Variants in REV3L observed in about 807,000 individuals in gnomAD.
The protein encoded by REV3L is DNA polymerase zeta catalytic subunit.
Under a neutral mutation model 299.4 loss-of-function variants are expected in REV3L, and 69 were observed. The ratio of observed to expected loss-of-function variants is 0.23; its 90% CI spans 0.19 to 0.28. The LOEUF (loss-of-function observed/expected upper bound fraction) is 0.28. Ranked by LOEUF, REV3L falls within the 10% of genes least tolerant of loss-of-function variation. The probability of loss-of-function intolerance (pLI) is 1.00; values close to 1 mark genes in which losing one functional copy is unlikely to be tolerated. For missense variants in REV3L, 3,128 were observed against 3,693.8 expected (o/e 0.85, Z 3.97); for synonymous variants, 1,238 against 1,271.4 (o/e 0.97, Z 0.56).
At position 111,347,424 on chromosome 6, in the gene REV3L, CACA is replaced by C. The variant is rs1276806692; in HGVS notation, c.7419+1791_7419+1793del. Among the ~76,000 whole-genome samples, 13 of 151,882 alleles carry C rather than the reference CACA, an allele frequency of 8.6e-5. No individual in the cohort carries two copies. The East Asian group carries it at 2.3e-3, about 27-fold the overall frequency. ...CACTCTTCTATTATTTTAAGAACAA[CACA>C]ACAAGATAAAATCATTCTCAAGCAG... is the stretch of plus-strand genomic sequence containing the variant. On this transcript the variant is annotated intron_variant, in intron 20 of 31. Transcript: ENST00000368802.
intron 29 of REV3L, chr6:111,310,340 T>A (rs1015013233): frequency 9.0e-6 from 3 of 334,360 alleles, no homozygotes; most frequent in African/African-American, 6.4e-5. Context: ...TGGAAAATAA[T>A]GAGTTGGCAG....
Position 111,376,374 on chromosome 6 carries a change from C to G in REV3L, c.1981G>C (p.Asp661His). Residue 661 changes from aspartate to histidine, a missense_variant, in exon 13 of 32, where the codon GAT (aspartate) becomes CAT (histidine). This residue lies in a region of REV3L where 2,409 missense variants were observed against 2,611.8 expected (regional missense o/e 0.92). Transcript: ENST00000368802. ...PVSSCESSIF[D>H]YEEDIPSVTR... is the part of the protein sequence containing the mutation. ...ACAGATGGAATATCTTCTTCATAAT[C>G]AAAAATACTACTTTCACAGGAAGAT... 6.2e-7 allele frequency: 1 copy of G among 1,611,900 alleles called. No homozygotes were observed. Among genetic ancestry groups the G allele is most frequent in the South Asian group, 1.1e-5 (1 of 90,354 alleles).
chr6:111,384,227 G>A (rs1419343994), intron 9 of REV3L, among the ~76,000 whole-genome samples: 1 of 152,008 alleles, frequency 6.6e-6, no homozygotes, highest in Non-Finnish European at 1.5e-5. Context: ...CAAAGCACAG[G>A]CAATCAAAGC....
At chr6:111,427,351 T>C (rs905276352) in intron 1 of REV3L, among the ~76,000 whole-genome samples, 17 of 152,168 alleles carry the variant, frequency 1.1e-4, no homozygotes, top group Non-Finnish European at 7.4e-5. Context: ...ATAAGGGACT[T>C]GTATCTAGAA....
chr6:111,402,259 C>G (rs1783162238), intron 4 of REV3L, among the ~76,000 whole-genome samples: 1 of 152,084 alleles, frequency 6.6e-6, no homozygotes, highest in Non-Finnish European at 1.5e-5. Context: ...CCAGGAGATT[C>G]AAACTATACT....
At position 111,375,911 on chromosome 6, in the gene REV3L, G is replaced by A; in HGVS notation, c.2444C>T (p.Ser815Phe). Residue 815 changes from serine to phenylalanine, a missense_variant, in exon 13 of 32, where the codon TCT becomes TTT. Transcript: ENST00000368802. ...AGGTTGTAATTTATATGTGACAGGA[G>A]ATAGTTTCTGTGGTCTAGTAAGACA... ...SNCLTRPQKL[S>F]PVTYKLQPGN... 6.2e-7 allele frequency: 1 copy of A among 1,614,016 alleles called. No individual in the cohort carries two copies. Among genetic ancestry groups the A allele is most frequent in the Non-Finnish European group, 8.5e-7 (1 of 1,179,920 alleles).
intron 31 of REV3L, among the ~76,000 whole-genome samples, chr6:111,301,145 C>A (rs1290110063): frequency 6.6e-6 from 1 of 151,960 alleles, no homozygotes; most frequent in Non-Finnish European, 1.5e-5. Flanking sequence ...TATGCCCTGG[C>A]CTCCTGCAGC....
intron 14 of REV3L, 57 bp downstream of exon 14, chr6:111,367,058 C>T: frequency 1.5e-6 from 2 of 1,361,706 alleles, no homozygotes; most frequent in Non-Finnish European, 2.0e-6. Context: ...CTAATGTTAT[C>T]TTCATTTCTA....
rs761748173 is a variant in REV3L at position 111,376,623 on chromosome 6, G to T, written c.1732C>A (p.Gln578Lys). ...EPSSSAKITF[Q>K]CKHTSALSSH... Reference sequence around the variant, plus strand: ...GAAAGGGCACTTGTGTGTTTACACTGAAAGGTAATCTTAGCAGAAGATGAG... The same window carrying T: ...GAAAGGGCACTTGTGTGTTTACACTTAAAGGTAATCTTAGCAGAAGATGAG... The change falls in exon 13 of 32, where the codon CAG becomes AAG. Residue 578 changes from glutamine to lysine, a missense_variant. Transcript: ENST00000368802. 6.2e-6 allele frequency: 10 copies of T among 1,613,276 alleles called. No individual in the cohort carries two copies. Among genetic ancestry groups the T allele is most frequent in the Non-Finnish European group, 8.5e-6 (10 of 1,179,872 alleles).
intron 1 of REV3L, among the ~76,000 whole-genome samples, chr6:111,463,344 G>A (rs536557775): frequency 5.6e-4 from 86 of 152,298 alleles, no homozygotes; most frequent in African/African-American, 2.0e-3. Flanking sequence ...TGTCCGAAGA[G>A]AAGAAAGGTT....
intron 20 of REV3L, among the ~76,000 whole-genome samples, chr6:111,344,735 G>A (rs932140239): frequency 6.6e-6 from 1 of 152,152 alleles, no homozygotes; most frequent in African/African-American, 2.4e-5. Context: ...GTATTTCAAT[G>A]CAAAATGGAA....
intron 23 of REV3L, among the ~76,000 whole-genome samples, 181 bp from the exon 24 acceptor site, chr6:111,331,965 A>T (rs546937639): frequency 2.6e-5 from 4 of 152,342 alleles, no homozygotes; most frequent in African/African-American, 4.8e-5. Flanking sequence ...AAATATTCAT[A>T]ATTTATTACA....
chr6:111,363,507 C>T (rs1238029956), intron 16 of REV3L, among the ~76,000 whole-genome samples: 1 of 151,906 alleles, frequency 6.6e-6, no homozygotes, highest in Non-Finnish European at 1.5e-5. Flanking sequence ...ACAGGGTCTT[C>T]CTATGTAGCC....
chr6:111,473,923 C>T (rs1434354961), intron 1 of REV3L, among the ~76,000 whole-genome samples: 1 of 152,046 alleles, frequency 6.6e-6, no homozygotes, highest in African/African-American at 2.4e-5. Flanking sequence ...TTTCTTCATA[C>T]AAAATGAGTA....
intron 1 of REV3L, among the ~76,000 whole-genome samples, chr6:111,443,848 A>G (rs1788548171): frequency 6.6e-6 from 1 of 152,256 alleles, no homozygotes; most frequent in Non-Finnish European, 1.5e-5. Flanking sequence ...GAAGGAATTT[A>G]GAAAAGATGC....
chr6:111,440,436 A>G (rs1304413982), intron 1 of REV3L, among the ~76,000 whole-genome samples: 1 of 152,156 alleles, frequency 6.6e-6, no homozygotes, highest in Non-Finnish European at 1.5e-5. Flanking sequence ...TGTTGATTAT[A>G]ATGGTTCCTA....
chr6:111,393,366 T>C (rs2128257534), intron 4 of REV3L, among the ~76,000 whole-genome samples: 1 of 152,292 alleles, frequency 6.6e-6, no homozygotes, highest in African/African-American at 2.4e-5. Flanking sequence ...CAGATCCCTT[T>C]TTATTGATAC....
intron 4 of REV3L, among the ~76,000 whole-genome samples, chr6:111,405,180 G>A (rs540094721): frequency 6.6e-6 from 1 of 151,272 alleles, no homozygotes; most frequent in Admixed American, 6.6e-5. Flanking sequence ...CAGTGGTCTA[G>A]AACTAAACCC....
At chr6:111,430,850 A>T in intron 1 of REV3L, 1 of 1,606,862 alleles carries the variant, frequency 6.2e-7, no homozygotes, top group African/African-American at 1.3e-5. Flanking sequence ...ATTGGAAAGA[A>T]GAAAACCAGA....
Sources: allele counts gnomAD v4.1 joint callset (sites outside exome capture counted in the v4.1 genomes callset), GRCh38; gene constraint gnomAD v4.1.1; regional missense constraint gnomAD v4.1.1; transcripts MANE v1.5; gene names NCBI Gene and HGNC (gene_info 2026-07-23, HGNC 2026-07-21).